LRRC37A2: variants seen among roughly 807,000 people sequenced by gnomAD.
LRRC37A2 encodes leucine rich repeat containing 37 member A2.
Under a neutral mutation model 68.8 loss-of-function variants are expected in LRRC37A2, and 9 were observed. The ratio of observed to expected loss-of-function variants is 0.13; its 90% confidence interval spans 0.08 to 0.23. The LOEUF (loss-of-function observed/expected upper bound fraction) is 0.23. LRRC37A2 is among the 10% of genes least tolerant of loss of function. LRRC37A2 has a pLI of 1.00. For synonymous variants in LRRC37A2, 63 were observed against 367.6 expected (o/e 0.17, Z 9.48); for missense variants, 168 against 950.4 (o/e 0.18, Z 10.82).
chr17:46,780,929 C>A, the LRRC37A2 span, among the ~76,000 whole-genome samples: 1 of 152,028 alleles, frequency 6.6e-6, no homozygotes, highest in Non-Finnish European at 1.5e-5. Flanking sequence ...TACAGTGGGA[C>A]CCTATTCAGC....
chr17:46,657,252 T>G, the LRRC37A2 span, among the ~76,000 whole-genome samples: 1 of 112,984 alleles, frequency 8.9e-6, no homozygotes, highest in East Asian at 2.7e-4. Flanking sequence ...TGTAAATGTT[T>G]TTGACATGCA....
At chr17:46,781,619 A>G in the LRRC37A2 span, among the ~76,000 whole-genome samples, 1 of 152,220 alleles carries the variant, frequency 6.6e-6, no homozygotes, top group Non-Finnish European at 1.5e-5. Context: ...TTACTGCTTA[A>G]TAAGTACAGA....
At chr17:46,849,153 C>T in the LRRC37A2 span, among the ~76,000 whole-genome samples, 3 of 152,218 alleles carry the variant, frequency 2.0e-5, no homozygotes, top group African/African-American at 7.2e-5. Flanking sequence ...GGTGGGGCCA[C>T]GCCATTGGCT....
chr17:46,492,829 G>A, the LRRC37A2 span, among the ~76,000 whole-genome samples: 1 of 150,018 alleles, frequency 6.7e-6, no homozygotes, highest in Non-Finnish European at 1.5e-5. Flanking sequence ...GTGTAGCTGG[G>A]ACTACAGGCG....
the LRRC37A2 span, chr17:46,938,698 A>G: frequency 6.2e-7 from 1 of 1,613,650 alleles, no homozygotes. Context: ...CAAGTACTTT[A>G]TGATAGGTGG....
chr17:46,875,078 A>G, the LRRC37A2 span: 3 of 1,612,900 alleles, frequency 1.9e-6, no homozygotes, highest in Middle Eastern at 1.6e-4. Flanking sequence ...CTCCCTCCCT[A>G]TGCCCCTGGG....
chr17:46,960,713 C>T, the LRRC37A2 span, among the ~76,000 whole-genome samples: 3 of 152,158 alleles, frequency 2.0e-5, no homozygotes, highest in East Asian at 1.9e-4. Context: ...AAGTGTGAAA[C>T]GATATGGATG....
chr17:46,553,509 T>C (rs2057033454), intron 12 of LRRC37A2, 60 bp downstream of exon 11: 3 of 1,605,620 alleles, frequency 1.9e-6, no homozygotes, highest in African/African-American at 2.8e-5. Context: ...TTCCCTCTTG[T>C]TGCCAGGCTG....
chr17:46,675,700 A>G, the LRRC37A2 span, among the ~76,000 whole-genome samples: 2 of 133,478 alleles, frequency 1.5e-5, no homozygotes, highest in African/African-American at 6.1e-5. Context: ...GTTCTGATTA[A>G]TTATCCTAAT....
the LRRC37A2 span, among the ~76,000 whole-genome samples, chr17:46,770,650 T>G: frequency 6.6e-6 from 1 of 152,110 alleles, no homozygotes; most frequent in Admixed American, 6.5e-5. Flanking sequence ...CAGTGGCCCG[T>G]GCCTCAGTCT....
chr17:46,878,850 G>A, the LRRC37A2 span, among the ~76,000 whole-genome samples: 3 of 152,244 alleles, frequency 2.0e-5, no homozygotes, highest in African/African-American at 7.2e-5. Context: ...GTGGCTGGCT[G>A]CTAACATGGA....
chr17:47,000,054 AAAATAAAATTAAAAT>A, the LRRC37A2 span, among the ~76,000 whole-genome samples: 1 of 40,746 alleles, frequency 2.5e-5, no homozygotes, highest in African/African-American at 5.6e-5. Context: ...AAAATAAAAT[AAAATAAAATTAAAAT>A]AAAATAAAAA....
At chr17:46,605,275 C>T in the LRRC37A2 span, among the ~76,000 whole-genome samples, 1 of 68,934 alleles carries the variant, frequency 1.5e-5, no homozygotes, top group Non-Finnish European at 2.9e-5. Context: ...GTGGAGAAAC[C>T]CTGTCTCTAC....
the LRRC37A2 span, among the ~76,000 whole-genome samples, chr17:46,848,256 AG>A: frequency 4.6e-5 from 7 of 152,296 alleles, no homozygotes; most frequent in African/African-American, 1.7e-4. Flanking sequence ...CCCGTGTCCG[AG>A]CCCAGGAAGG....
At chr17:46,759,323 CTG>C in the LRRC37A2 span, among the ~76,000 whole-genome samples, 1 of 152,226 alleles carries the variant, frequency 6.6e-6, no homozygotes, top group Non-Finnish European at 1.5e-5. Context: ...CGTACTGAGA[CTG>C]GGTCCTGGAG....
At chr17:46,849,129 G>A in the LRRC37A2 span, among the ~76,000 whole-genome samples, 4 of 152,208 alleles carry the variant, frequency 2.6e-5, no homozygotes, top group East Asian at 7.7e-4. Context: ...AACATCAGGA[G>A]GAGGGAACCC....
the LRRC37A2 span, among the ~76,000 whole-genome samples, chr17:46,912,821 C>T: frequency 3.2e-4 from 48 of 152,300 alleles, no homozygotes; most frequent in African/African-American, 1.1e-3. Flanking sequence ...CAGAGGTGTC[C>T]TGTTTATCTG....
chr17:46,776,058 C>T, the LRRC37A2 span, among the ~76,000 whole-genome samples: 1 of 152,230 alleles, frequency 6.6e-6, no homozygotes, highest in African/African-American at 2.4e-5. Context: ...CCCCATTTTA[C>T]AGATGGCTTA....
the LRRC37A2 span, among the ~76,000 whole-genome samples, chr17:46,982,244 T>C: frequency 6.6e-6 from 1 of 152,218 alleles, no homozygotes; most frequent in Non-Finnish European, 1.5e-5. Context: ...TGTAGAGAAA[T>C]GCTCAGTTAT....
Sources: gnomAD v4.1 joint callset for allele counts (sites outside exome capture counted in the v4.1 genomes callset) on GRCh38, gnomAD v4.1.1 for gene constraint, MANE v1.5 for transcripts, NCBI Gene and HGNC (gene_info 2026-07-23, HGNC 2026-07-21) for gene names.